DNAH8: variants seen among roughly 807,000 people sequenced by gnomAD.
The protein encoded by DNAH8 is axonemal beta dynein heavy chain 8.
DNAH8 carries 382 observed loss-of-function variants against 562.1 expected under a neutral mutation model. That is an observed-to-expected ratio of 0.68 (90% CI 0.63 to 0.74). The LOEUF is 0.74. Among genes scored for constraint, DNAH8 ranks in the 30% least tolerant of loss-of-function variants. The pLI is 0.00. For synonymous variants in DNAH8, 1,881 were observed against 1,919.4 expected (o/e 0.98, Z 0.52); for missense variants, 5,203 against 5,620.4 (o/e 0.93, Z 2.37).
chr6:38,891,921 G>A (rs912711007), intron 58 of DNAH8, among the ~76,000 whole-genome samples: 6 of 151,976 alleles, frequency 3.9e-5, no homozygotes, highest in Non-Finnish European at 8.8e-5. Context: ...TCATGTCAAG[G>A]CCACCAAAGA....
intron 3 of DNAH8, among the ~76,000 whole-genome samples, chr6:38,726,826 G>C (rs1763256110): frequency 6.6e-6 from 1 of 151,230 alleles, no homozygotes; most frequent in Non-Finnish European, 1.5e-5. Context: ...TAGGAAATTG[G>C]GGGTATATGG....
chr6:38,843,846 T>A (rs1443085592), intron 35 of DNAH8, among the ~76,000 whole-genome samples: 2 of 152,180 alleles, frequency 1.3e-5, no homozygotes, highest in Non-Finnish European at 2.9e-5. Context: ...ATTGTCTCTG[T>A]CCGTTTGTGT....
At chr6:38,721,522 A>G (rs1762750770) in intron 1 of DNAH8, among the ~76,000 whole-genome samples, 1 of 150,032 alleles carries the variant, frequency 6.7e-6, no homozygotes. Flanking sequence ...AAAGAGAGAG[A>G]GAGAGAGGAG....
intron 83 of DNAH8, among the ~76,000 whole-genome samples, chr6:38,973,207 C>T (rs1763455052): frequency 6.6e-6 from 1 of 152,142 alleles, no homozygotes; most frequent in Non-Finnish European, 1.5e-5. Flanking sequence ...GTAAATGTCA[C>T]CAAACGTATT....
At chr6:38,922,111 GTGTAC>G in intron 71 of DNAH8, among the ~76,000 whole-genome samples, 1 of 151,054 alleles carries the variant, frequency 6.6e-6, no homozygotes, top group Non-Finnish European at 1.5e-5. Flanking sequence ...CCATCTGGAT[GTGTAC>G]ATGCAGGTCA....
chr6:38,803,799 G>A (rs887496091), intron 22 of DNAH8, among the ~76,000 whole-genome samples: 11 of 150,906 alleles, frequency 7.3e-5, no homozygotes, highest in Non-Finnish European at 1.6e-4. Flanking sequence ...TCTGTGTAGA[G>A]TAAGCTATGA....
At chr6:38,990,255 A>C in intron 88 of DNAH8, 83 bp downstream of exon 88, 1 of 882,770 alleles carries the variant, frequency 1.1e-6, no homozygotes, top group Non-Finnish European at 1.7e-6. Context: ...TTCTCTCCTA[A>C]TCTCTCTCCT....
At chr6:38,788,937 T>C (rs995338178) in intron 18 of DNAH8, among the ~76,000 whole-genome samples, 1 of 152,242 alleles carries the variant, frequency 6.6e-6, no homozygotes, top group Non-Finnish European at 1.5e-5. Flanking sequence ...TGTCTTTTTT[T>C]TGAAAAAAAC....
chr6:38,772,377 C>T (rs1447764561), intron 12 of DNAH8, among the ~76,000 whole-genome samples: 5 of 152,054 alleles, frequency 3.3e-5, no homozygotes, highest in African/African-American at 4.8e-5. Flanking sequence ...ATTATCTGTC[C>T]TTTTGAATTT....
chr6:38,814,016 G>C lies in DNAH8; in HGVS notation c.3258-38G>C. The stretch of plus-strand genomic sequence containing the variant: ...ATAATAAACTAACAATGAAATTTTA[G>C]GGTAAGGTTCATCAGCTAAATGTCC... On this transcript the variant is annotated intron_variant, in intron 24 of 92. Transcript: ENST00000327475. 2.9e-6 allele frequency: 4 copies of C among 1,389,144 alleles called. No individual in the cohort carries two copies. In the South Asian group the frequency reaches 4.8e-5, roughly 17 times the overall value. The allele number at this position is 1,389,144 out of a possible 1,614,324, so 86.1% of individuals were successfully genotyped here. A position where few individuals can be genotyped will look rare whatever the true frequency, so the allele number is the denominator to read the frequency against.
intron 73 of DNAH8, among the ~76,000 whole-genome samples, chr6:38,925,377 C>T (rs9394554): frequency 0.24 from 35,400 of 149,924 alleles, 5,330 homozygotes; most frequent in Non-Finnish European, 0.34. Flanking sequence ...GCTCTGTAGC[C>T]CAGACGGAAG....
chr6:38,773,131 T>G (rs1228413274), intron 12 of DNAH8, among the ~76,000 whole-genome samples: 4 of 151,996 alleles, frequency 2.6e-5, no homozygotes, highest in Non-Finnish European at 5.9e-5. Flanking sequence ...GGGATTTTTT[T>G]GGGGGCAAAT....
At chr6:38,832,476 T>C in intron 31 of DNAH8, 41 bp downstream of exon 31, 23 of 1,252,698 alleles carry the variant, frequency 1.8e-5, no homozygotes, top group Non-Finnish European at 2.7e-5. Flanking sequence ...AAATGTTCTG[T>C]GATGTGTTTA....
intron 8 of DNAH8, chr6:38,744,060 T>G (rs1764731233): frequency 6.6e-6 from 1 of 152,208 alleles, no homozygotes; most frequent in Admixed American, 6.5e-5. Context: ...AATTATCAGT[T>G]AAGTTATTAT....
At chr6:38,825,576 T>G (rs1773239787) in intron 28 of DNAH8, among the ~76,000 whole-genome samples, 1 of 152,158 alleles carries the variant, frequency 6.6e-6, no homozygotes, top group African/African-American at 2.4e-5. Context: ...GTTTTTCTGC[T>G]TCCCAGACTA....
intron 41 of DNAH8, among the ~76,000 whole-genome samples, chr6:38,855,366 T>TAAATA (rs1450074849): frequency 1.3e-5 from 2 of 152,168 alleles, no homozygotes; most frequent in Admixed American, 6.5e-5. Flanking sequence ...TTCCGAAACT[T>TAAATA]AAATAAAATA....
intron 7 of DNAH8, among the ~76,000 whole-genome samples, chr6:38,740,463 G>A (rs1562607418): frequency 6.6e-6 from 1 of 152,056 alleles, no homozygotes; most frequent in African/African-American, 2.4e-5. Context: ...TTTCTTTGCT[G>A]TTGTAAATTG....
chr6:38,877,729 T>C (rs1778136400), intron 53 of DNAH8, among the ~76,000 whole-genome samples: 1 of 152,208 alleles, frequency 6.6e-6, no homozygotes, highest in Non-Finnish European at 1.5e-5. Context: ...GGAGAAGACT[T>C]CATTCATAGA....
intron 56 of DNAH8, among the ~76,000 whole-genome samples, 189 bp from the exon 57 acceptor site, chr6:38,886,602 G>A (rs1250727313): frequency 2.6e-5 from 4 of 152,200 alleles, no homozygotes; most frequent in African/African-American, 7.2e-5. Context: ...CCATGCATGT[G>A]TTATGATCTA....
Sources: gnomAD v4.1 joint callset for allele counts (sites outside exome capture counted in the v4.1 genomes callset) on GRCh38, gnomAD v4.1.1 for gene constraint, MANE v1.5 for transcripts, NCBI Gene and HGNC (gene_info 2026-07-23, HGNC 2026-07-21) for gene names.